The following TMEFF2 variants were observed in gnomAD, a reference collection of about 807,000 sequenced individuals.
The protein encoded by TMEFF2 is tomoregulin-2.
In TMEFF2, 28 loss-of-function variants were observed where a neutral mutation model predicts 53.8. That is an observed-to-expected ratio of 0.52 (90% CI 0.39 to 0.71). The LOEUF is 0.71. Among genes scored for constraint, TMEFF2 ranks in the 30% least tolerant of loss-of-function variants. The pLI is 0.00. For missense variants in TMEFF2, 353 were observed against 455.2 expected, an observed-to-expected ratio of 0.78 and a Z score of 2.04; for synonymous variants, 162 against 166.3, an observed-to-expected ratio of 0.97 and a Z score of 0.20.
At chr2:191,989,949 C>A (rs964960107) in intron 7 of TMEFF2, among the ~76,000 whole-genome samples, 2 of 152,146 alleles carry the variant, frequency 1.3e-5, no homozygotes, top group Admixed American at 6.6e-5. Flanking sequence ...ACCCCTTCCA[C>A]CCTCTCACAA....
chr2:192,012,038 G>A (rs991964609), intron 5 of TMEFF2, among the ~76,000 whole-genome samples: 6 of 151,764 alleles, frequency 4.0e-5, no homozygotes, highest in East Asian at 1.9e-4. Flanking sequence ...AGGCGCCCAC[G>A]ACCTCGCCCG....
chr2:192,114,963 A>T (rs1280192053), intron 4 of TMEFF2, among the ~76,000 whole-genome samples: 1 of 151,982 alleles, frequency 6.6e-6, no homozygotes, highest in Non-Finnish European at 1.5e-5. Context: ...TATATAGCTG[A>T]CTATATATAA....
At chr2:191,977,323 C>T (rs761275697) in intron 7 of TMEFF2, among the ~76,000 whole-genome samples, 37 of 152,208 alleles carry the variant, frequency 2.4e-4, no homozygotes, top group Non-Finnish European at 3.7e-4. Flanking sequence ...GCTGCAAAGG[C>T]GGCACCCACT....
chr2:192,063,501 C>T (rs1688097140), intron 4 of TMEFF2, among the ~76,000 whole-genome samples: 1 of 151,718 alleles, frequency 6.6e-6, no homozygotes, highest in Non-Finnish European at 1.5e-5. Flanking sequence ...TTGAGTATTT[C>T]ATGTGCACCT....
intron 4 of TMEFF2, among the ~76,000 whole-genome samples, chr2:192,166,325 G>A (rs1367609143): frequency 6.6e-6 from 1 of 152,056 alleles, no homozygotes; most frequent in Non-Finnish European, 1.5e-5. Context: ...CCATACCATG[G>A]CAGCCTCAAA....
In TMEFF2 at chr2:192,154,821, T is replaced by C. The variant is rs75255876; in HGVS notation, c.439+24847A>G. 6.2e-3 allele frequency among the ~76,000 whole-genome samples: 940 copies of C among 152,032 alleles called. 9 individuals carry two copies. Among genetic ancestry groups the C allele is most frequent in the Non-Finnish European group, 8.6e-3 (585 of 67,898 alleles). ...CCACCATCTTCATGCAGCTGATTTT[T>C]GAGGGCTTCTTGCCTGCTTCTCATC... On this transcript the variant is annotated intron_variant, in intron 4 of 9. Transcript: ENST00000272771.
chr2:192,180,821 C>A (rs1691168429), intron 3 of TMEFF2, among the ~76,000 whole-genome samples: 1 of 151,660 alleles, frequency 6.6e-6, no homozygotes, highest in Non-Finnish European at 1.5e-5. Flanking sequence ...TCCTGTTTGT[C>A]ATGTATTGGC....
chr2:192,075,972 G>GGAAAGAAGGAAGCAAAGAAT (rs1688422482), intron 4 of TMEFF2, among the ~76,000 whole-genome samples: 2 of 151,520 alleles, frequency 1.3e-5, no homozygotes, highest in Admixed American at 1.3e-4. Context: ...AAGCAAAGAA[G>GGAAAGAAGGAAGCAAAGAAT]GAAAGAAGGA....
intron 4 of TMEFF2, among the ~76,000 whole-genome samples, chr2:192,083,656 C>T (rs986635045): frequency 6.6e-6 from 1 of 151,360 alleles, no homozygotes; most frequent in Non-Finnish European, 1.5e-5. Flanking sequence ...AGTATTTAGA[C>T]AGCTCATCAG....
At chr2:192,006,422 A>G (rs566612500) in intron 5 of TMEFF2, among the ~76,000 whole-genome samples, 1 of 152,144 alleles carries the variant, frequency 6.6e-6, no homozygotes, top group Non-Finnish European at 1.5e-5. Context: ...AGAGGGAACT[A>G]TTGCTGGGAA....
intron 4 of TMEFF2, among the ~76,000 whole-genome samples, chr2:192,121,310 C>T (rs1353945032): frequency 6.6e-6 from 1 of 152,046 alleles, no homozygotes; most frequent in South Asian, 2.1e-4. Context: ...TGGTCTCGGT[C>T]ATAACAACTA....
chr2:192,104,912 T>C (rs1452982681), intron 4 of TMEFF2, among the ~76,000 whole-genome samples: 1 of 152,070 alleles, frequency 6.6e-6, no homozygotes, highest in African/African-American at 2.4e-5. Flanking sequence ...TTTACCTGTC[T>C]TATTTCTTTA....
intron 4 of TMEFF2, among the ~76,000 whole-genome samples, chr2:192,070,917 G>A (rs1263132725): frequency 6.6e-6 from 1 of 151,780 alleles, no homozygotes. Flanking sequence ...GTGCCTTGTG[G>A]TTGACTGGGT....
intron 4 of TMEFF2, among the ~76,000 whole-genome samples, chr2:192,100,954 T>C (rs1487538717): frequency 7.9e-5 from 12 of 152,190 alleles, no homozygotes; most frequent in Non-Finnish European, 1.8e-4. Context: ...CACATGAAGT[T>C]TCTTAGCTAT....
At position 192,194,346 on chromosome 2, in the gene TMEFF2, G is replaced by C. The variant is rs1490324131; in HGVS notation, c.172+7C>G. The C allele has an allele frequency of 4.3e-6, 7 of 1,613,994 alleles. No individual in the cohort carries two copies. In the South Asian group the frequency reaches 7.7e-5, roughly 18 times the overall value. On this transcript the variant is annotated splice_region_variant and intron_variant, in intron 1 of 9. Coordinates refer to ENST00000272771, the MANE Select transcript of TMEFF2 (RefSeq NM_016192.4). The surrounding 1 kb of genome is among the most constrained non-coding windows in gnomAD (Gnocchi z 4.2). ...TAAAGGGTCGGGGACGGGGGTTCTGGACTTACCAGAGCAATTCCAGCCGGT... is the reference window on the plus strand; with the variant it reads ...TAAAGGGTCGGGGACGGGGGTTCTGCACTTACCAGAGCAATTCCAGCCGGT...
At position 192,173,277 on chromosome 2, in the gene TMEFF2, G is replaced by A. The variant is rs1690959707; in HGVS notation, c.439+6391C>T. Reference sequence around the variant, plus strand: ...TTACAAATATGTACAACTATTATGTGTTCATAAAAATTAAAAACTAAAATA... The same window carrying A: ...TTACAAATATGTACAACTATTATGTATTCATAAAAATTAAAAACTAAAATA... On this transcript the variant is annotated intron_variant, in intron 4 of 9. Transcript: ENST00000272771. Among the ~76,000 whole-genome samples the A allele has an allele frequency of 2.6e-5, 4 of 151,760 alleles. No homozygotes were observed. The South Asian group carries it at 8.3e-4, about 31-fold the overall frequency.
intron 4 of TMEFF2, among the ~76,000 whole-genome samples, chr2:192,158,184 T>C (rs1157698480): frequency 6.6e-6 from 1 of 152,114 alleles, no homozygotes; most frequent in Non-Finnish European, 1.5e-5. Flanking sequence ...AGCCGTCTAC[T>C]GGCACTTTAA....
At chr2:192,007,787 G>A (rs145637756) in intron 5 of TMEFF2, among the ~76,000 whole-genome samples, 2 of 152,266 alleles carry the variant, frequency 1.3e-5, no homozygotes, top group African/African-American at 4.8e-5. Flanking sequence ...GGCTACTGCT[G>A]TTAGGTATAG....
chr2:192,189,023 A>C (rs1279847033), intron 2 of TMEFF2, among the ~76,000 whole-genome samples: 1 of 152,070 alleles, frequency 6.6e-6, no homozygotes, highest in Non-Finnish European at 1.5e-5. Flanking sequence ...AAAACCTAAA[A>C]TAAAAGTTTA....
Sources: gnomAD v4.1 joint callset for allele counts (sites outside exome capture counted in the v4.1 genomes callset) on GRCh38, gnomAD v4.1.1 for gene constraint, Gnocchi (gnomAD v3.1) non-coding constraint, MANE v1.5 for transcripts, NCBI Gene and HGNC (gene_info 2026-07-23, HGNC 2026-07-21) for gene names.